TENM1: variants seen among roughly 807,000 people sequenced by gnomAD.
TENM1 encodes teneurin transmembrane protein 1.
Under a neutral mutation model 174.8 loss-of-function variants are expected in TENM1, and 35 were observed. That is an observed-to-expected ratio of 0.20 (90% confidence interval 0.15 to 0.27). TENM1 has a LOEUF of 0.27. Among genes scored for constraint, TENM1 ranks in the 10% least tolerant of loss-of-function variants. The pLI, the probability that TENM1 is intolerant of heterozygous loss-of-function variation, is 1.00. For missense variants in TENM1, 1,633 were observed against 2,130.1 expected (o/e 0.77, Z 4.59); for synonymous variants, 781 against 798.7 (o/e 0.98, Z 0.37).
At chrX:125,182,950 A>T in the TENM1 span, among the ~76,000 whole-genome samples, 1 of 112,058 alleles carries the variant, frequency 8.9e-6, no homozygotes, top group Non-Finnish European at 1.9e-5. Flanking sequence ...TGTCAGAGGC[A>T]TTTTTTATTA....
chrX:125,143,402 A>C, the TENM1 span, among the ~76,000 whole-genome samples: 3 of 112,061 alleles, frequency 2.7e-5, no homozygotes, highest in African/African-American at 9.7e-5. Flanking sequence ...CCCTAATATT[A>C]TTAACCTAAA....
intron 3 of TENM1, among the ~76,000 whole-genome samples, chrX:124,791,261 GACCT>G (rs1287369866): frequency 8.9e-6 from 1 of 111,894 alleles, no homozygotes; most frequent in Non-Finnish European, 1.9e-5. Context: ...TTGGCTACAT[GACCT>G]GTCCTATTTT....
chrX:124,532,607 C>G (rs1199555625), intron 15 of TENM1, among the ~76,000 whole-genome samples: 1 of 111,741 alleles, frequency 8.9e-6, no homozygotes, highest in Non-Finnish European at 1.9e-5. Flanking sequence ...TCTACCTGTT[C>G]TTCTTTTCAT....
intron 11 of TENM1, among the ~76,000 whole-genome samples, chrX:124,618,182 T>C (rs1349521757): frequency 8.9e-6 from 1 of 111,811 alleles, no homozygotes; most frequent in Non-Finnish European, 1.9e-5. Flanking sequence ...CTGCTTGGAC[T>C]GGGATGAAGC....
chrX:124,818,950 C>A (rs1284977410), intron 3 of TENM1, among the ~76,000 whole-genome samples: 1 of 111,702 alleles, frequency 9.0e-6, no homozygotes, highest in Admixed American at 9.5e-5. Context: ...ACATTAAAAA[C>A]AAACTAAACA....
At chrX:124,994,501 C>A in the TENM1 span, among the ~76,000 whole-genome samples, 2 of 110,369 alleles carry the variant, frequency 1.8e-5, no homozygotes, top group South Asian at 7.7e-4. Flanking sequence ...TGAAACTCAA[C>A]ATATCTGATA....
intron 11 of TENM1, among the ~76,000 whole-genome samples, chrX:124,603,539 C>T (rs748850975): frequency 2.2e-4 from 25 of 111,664 alleles, no homozygotes; most frequent in Admixed American, 3.8e-4. Context: ...TAGGGTTTTA[C>T]AACCACCAGG....
intron 3 of TENM1, among the ~76,000 whole-genome samples, chrX:124,829,863 C>T (rs1025189194): frequency 1.8e-5 from 2 of 112,281 alleles, no homozygotes; most frequent in Non-Finnish European, 3.8e-5. Flanking sequence ...CTATCTACGT[C>T]TACCCCATCC....
chrX:124,908,090 G>A lies in TENM1; in HGVS notation c.218-11849C>T, dbSNP rs746916750. Among the ~76,000 whole-genome samples the A allele has an allele frequency of 1.7e-4, 19 of 111,925 alleles. 1 individual carries two copies. In the South Asian group the frequency reaches 4.5e-3, roughly 26 times the overall value. On this transcript the variant is annotated intron_variant, in intron 1 of 31. Coordinates refer to ENST00000422452, the Ensembl canonical transcript of TENM1. ...TGGGGCAGAAATGAATGGAGGTCAA[G>A]CTAGCAAAAAGCATGCAGTTTTACA...
intron 4 of TENM1, among the ~76,000 whole-genome samples, chrX:124,730,060 G>A (rs1476205209): frequency 9.1e-6 from 1 of 110,336 alleles, no homozygotes; most frequent in African/African-American, 3.3e-5. Context: ...AGTAGAGATG[G>A]GGTGTCACCA....
intron 3 of TENM1, among the ~76,000 whole-genome samples, chrX:124,778,429 A>G (rs2054833285): frequency 8.9e-6 from 1 of 112,082 alleles, no homozygotes; most frequent in South Asian, 3.7e-4. Flanking sequence ...GCATGCCTAA[A>G]CTTTCCTGGT....
At chrX:124,450,352 T>C in intron 23 of TENM1, among the ~76,000 whole-genome samples, 1 of 60,179 alleles carries the variant, frequency 1.7e-5, no homozygotes, top group African/African-American at 6.3e-5. Flanking sequence ...AGAGCGAGAC[T>C]CCGTCTCAAA....
At chrX:124,690,525 GTA>G (rs1183992104) in intron 5 of TENM1, among the ~76,000 whole-genome samples, 2 of 102,361 alleles carry the variant, frequency 2.0e-5, no homozygotes, top group African/African-American at 7.6e-5. Flanking sequence ...GTGTGTGTGT[GTA>G]TACACACATA....
intron 3 of TENM1, among the ~76,000 whole-genome samples, chrX:124,799,904 T>C (rs988776436): frequency 5.4e-5 from 6 of 112,136 alleles, no homozygotes; most frequent in African/African-American, 1.9e-4. Flanking sequence ...TGAATTACAT[T>C]TGTTGATTTA....
intron 22 of TENM1, among the ~76,000 whole-genome samples, chrX:124,458,906 T>C (rs1287383198): frequency 8.9e-6 from 1 of 112,477 alleles, no homozygotes; most frequent in Non-Finnish European, 1.9e-5. Context: ...TGTTTTTCTG[T>C]TTACTCATTA....
At chrX:124,847,002 T>C (rs1219642725) in intron 3 of TENM1, among the ~76,000 whole-genome samples, 1 of 112,039 alleles carries the variant, frequency 8.9e-6, no homozygotes, top group Non-Finnish European at 1.9e-5. Flanking sequence ...ATGCTAGGAA[T>C]GATATCTCTT....
the TENM1 span, among the ~76,000 whole-genome samples, chrX:124,972,663 A>AAAC: frequency 8.9e-6 from 1 of 112,353 alleles, no homozygotes; most frequent in African/African-American, 3.2e-5. Flanking sequence ...TTTCACGTGG[A>AAAC]AACAGCCATA....
At chrX:124,782,741 T>C (rs1296752004) in intron 3 of TENM1, among the ~76,000 whole-genome samples, 1 of 111,266 alleles carries the variant, frequency 9.0e-6, no homozygotes, top group Non-Finnish European at 1.9e-5. Flanking sequence ...AAAAGCTAGA[T>C]TGTCATCACC....
At chrX:125,057,471 G>A in the TENM1 span, among the ~76,000 whole-genome samples, 1 of 111,039 alleles carries the variant, frequency 9.0e-6, no homozygotes, top group Non-Finnish European at 1.9e-5. Context: ...AAGAGAAAGA[G>A]AGAGGGGAGG....
Sources: gnomAD v4.1 joint callset for allele counts (sites outside exome capture counted in the v4.1 genomes callset) on GRCh38, gnomAD v4.1.1 for gene constraint, MANE v1.5 for transcripts, NCBI Gene and HGNC (gene_info 2026-07-23, HGNC 2026-07-21) for gene names.